The following IL6R variants were observed in gnomAD, a reference collection of about 807,000 sequenced individuals.
IL6R encodes interleukin-6 receptor subunit alpha.
In IL6R, 38 loss-of-function variants were observed where a neutral mutation model predicts 48.3. The observed-to-expected ratio is 0.79, with a 90% CI of 0.61 to 1.03. The LOEUF (loss-of-function observed/expected upper bound fraction) is 1.03. Among genes scored for constraint, IL6R ranks in the 50% least tolerant of loss-of-function variants. The pLI is 0.00. For missense variants in IL6R, 534 were observed against 618.3 expected (o/e 0.86, Z 1.45); for synonymous variants, 264 against 256.2 (o/e 1.03, Z -0.29).
rs1691623676 is a variant in IL6R, at chr1:154,467,749, A to G, written c.*2369A>G. 6.6e-6 allele frequency: 1 copy of G among 152,142 alleles called. No individual in the cohort carries two copies. The highest frequency in any genetic ancestry group is 1.5e-5 in the Non-Finnish European group (1 of 68,028). The allele number at this position is 152,142 out of a possible 1,614,324, so 9.4% of individuals were successfully genotyped here. ...GACACCATCTCTATTATGAACAATA[A>G]CAGTTAAGAAAAAAAAAGGCAGGCA... On this transcript the variant is annotated 3_prime_UTR_variant, in exon 10 of 10. Transcript: ENST00000368485.
intron 2 of IL6R, 80 bp from the exon 3 acceptor site, chr1:154,430,403 G>A: frequency 6.4e-7 from 1 of 1,560,894 alleles, no homozygotes; most frequent in South Asian, 1.2e-5. Flanking sequence ...CTCCCCTCAA[G>A]GGAGGCTGCC....
chr1:154,421,836 G>A (rs978316851), intron 1 of IL6R, among the ~76,000 whole-genome samples: 1 of 152,280 alleles, frequency 6.6e-6, no homozygotes, highest in Admixed American at 6.5e-5. Flanking sequence ...GCCCAGGCTG[G>A]TCTCAGCCAC....
intron 1 of IL6R, among the ~76,000 whole-genome samples, chr1:154,419,717 A>C (rs901352100): frequency 6.6e-6 from 1 of 152,228 alleles, no homozygotes; most frequent in African/African-American, 2.4e-5. Context: ...CGGGGCCAGG[A>C]AGCTGAACTT....
At chr1:154,434,846 C>A in intron 4 of IL6R, 144 bp from the exon 5 acceptor site, 1 of 1,185,484 alleles carries the variant, frequency 8.4e-7, no homozygotes, top group Non-Finnish European at 1.2e-6. Context: ...GGAGGTGTGG[C>A]AATGATAAAG....
intron 5 of IL6R, 61 bp from the exon 6 acceptor site, chr1:154,435,908 G>T: frequency 1.4e-6 from 2 of 1,456,396 alleles, no homozygotes; most frequent in South Asian, 2.7e-5. Context: ...ACCCACTGGG[G>T]TGCTACCTGC....
At chr1:154,455,067 C>T (rs1690796583) in intron 9 of IL6R, among the ~76,000 whole-genome samples, 1 of 152,172 alleles carries the variant, frequency 6.6e-6, no homozygotes, top group African/African-American at 2.4e-5. Context: ...GTGCACACCA[C>T]CCTGCCTAGC....
chr1:154,420,011 G>A (rs1688562633), intron 1 of IL6R, among the ~76,000 whole-genome samples: 1 of 152,026 alleles, frequency 6.6e-6, no homozygotes, highest in Non-Finnish European at 1.5e-5. Flanking sequence ...AGGCCACCGG[G>A]GCAGGGAGAT....
intron 6 of IL6R, among the ~76,000 whole-genome samples, chr1:154,438,228 A>ATT (rs1399103925): frequency 4.6e-4 from 69 of 150,896 alleles, no homozygotes; most frequent in Non-Finnish European, 8.7e-4. Context: ...TTTCCCTGAT[A>ATT]AAACCACTTG....
At chr1:154,441,585 A>G (rs929824281) in intron 6 of IL6R, among the ~76,000 whole-genome samples, 2 of 152,106 alleles carry the variant, frequency 1.3e-5, no homozygotes, top group Admixed American at 1.3e-4. Context: ...TCAGGTTGGA[A>G]ATTGGCGGGC....
chr1:154,412,371 A>G (rs969093218), intron 1 of IL6R, among the ~76,000 whole-genome samples: 12 of 151,994 alleles, frequency 7.9e-5, no homozygotes, highest in African/African-American at 2.9e-4. Flanking sequence ...CTCCTGCCTC[A>G]GCCTCCTGGC....
chr1:154,424,366 T>C (rs943162479), intron 1 of IL6R, among the ~76,000 whole-genome samples: 3 of 152,226 alleles, frequency 2.0e-5, no homozygotes, highest in Non-Finnish European at 2.9e-5. Flanking sequence ...GTGCCAGTGA[T>C]TGGATGAGCT....
chr1:154,452,805 C>T (rs1050014594), intron 8 of IL6R, among the ~76,000 whole-genome samples: 5 of 145,824 alleles, frequency 3.4e-5, no homozygotes, highest in East Asian at 4.2e-4. Context: ...AGCAAGACTC[C>T]GTCTCAAAAA....
chr1:154,454,577 C>T lies in IL6R; in HGVS notation c.1156C>T (p.Leu386=), dbSNP rs1339396364. Residue 386 remains leucine (L), a synonymous_variant, in exon 9 of 10, where the codon CTG becomes TTG. Coordinates refer to ENST00000368485, the MANE Select transcript of IL6R (RefSeq NM_000565.4). ...FGTLLCIAIV[L]RFKKTWKLRA... ...AACGCTCCTCTGCATTGCCATTGTT[C>T]TGAGGTGAGATGGGTCCCAGGGGAT... 2 of 1,609,494 alleles carry T rather than the reference C, an allele frequency of 1.2e-6. No homozygotes were observed. The highest frequency in any genetic ancestry group is 2.2e-5 in the East Asian group (1 of 44,860).
intron 1 of IL6R, among the ~76,000 whole-genome samples, chr1:154,424,333 T>C (rs1409366438): frequency 6.6e-6 from 1 of 152,260 alleles, no homozygotes. Flanking sequence ...CTTTATATAG[T>C]TGAGGACTGT....
Position 154,429,402 on chromosome 1 carries a change from C to T in IL6R, c.292C>T (p.Arg98Trp), listed in dbSNP as rs370155930. The T allele has an allele frequency of 2.2e-5, 36 of 1,613,806 alleles. No individual in the cohort carries two copies. The highest frequency in any genetic ancestry group is 1.1e-4 in the African/African-American group (8 of 75,030). Residue 98 changes from arginine (R) to tryptophan (W), a missense_variant, in exon 2 of 10, where the codon CGG (arginine) becomes TGG (tryptophan). By Grantham distance (101) the Arg-to-Trp change is moderately radical. Coordinates refer to ENST00000368485, the MANE Select transcript of IL6R (RefSeq NM_000565.4). ...LHDSGNYSCYRAGRPAGTVHL... is the reference protein window; with the variant it reads ...LHDSGNYSCYWAGRPAGTVHL... ...CGACTCTGGAAACTATTCATGCTAC[C>T]GGGCCGGCCGCCCAGCTGGGACTGT...
chr1:154,439,102 G>A (rs932918711), intron 6 of IL6R, among the ~76,000 whole-genome samples: 1 of 151,994 alleles, frequency 6.6e-6, no homozygotes, highest in African/African-American at 2.4e-5. Flanking sequence ...GCCTTTTTAA[G>A]GGGGGAAAAA....
At chr1:154,445,116 G>A in intron 6 of IL6R, 1 of 456,262 alleles carries the variant, frequency 2.2e-6, no homozygotes, top group Non-Finnish European at 4.4e-6. Flanking sequence ...CTCCTCAGGA[G>A]GCTCCTCAGT....
At chr1:154,436,262 G>C (rs112050551) in intron 6 of IL6R, 152 bp downstream of exon 6, 14 of 803,832 alleles carry the variant, frequency 1.7e-5, no homozygotes, top group African/African-American at 5.2e-5. Flanking sequence ...AGGCTGAGGC[G>C]GGTGGATTGC....
chr1:154,450,589 T>C (rs372171329), intron 8 of IL6R, among the ~76,000 whole-genome samples: 3 of 152,336 alleles, frequency 2.0e-5, no homozygotes, highest in East Asian at 3.9e-4. Flanking sequence ...ACAAGATTAT[T>C]GGAGTCTGAA....
Sources: allele counts gnomAD v4.1 joint callset (sites outside exome capture counted in the v4.1 genomes callset), GRCh38; gene constraint gnomAD v4.1.1; transcripts MANE v1.5; gene names NCBI Gene and HGNC (gene_info 2026-07-23, HGNC 2026-07-21).